PRTFDC1: variants seen among roughly 807,000 people sequenced by gnomAD.
PRTFDC1 encodes phosphoribosyl transferase domain containing 1, also known as phosphoribosyltransferase domain-containing protein 1.
PRTFDC1 carries 38 observed loss-of-function variants against 34.6 expected under a neutral mutation model. That is an observed-to-expected ratio of 1.10 (90% CI 0.85 to 1.44). PRTFDC1 has a LOEUF of 1.44. Ranked by LOEUF, PRTFDC1 falls within the 40% of genes most tolerant of loss-of-function variation. The pLI is 0.00. For synonymous variants in PRTFDC1, 93 were observed against 98.1 expected (o/e 0.95, Z 0.31); for missense variants, 270 against 283.0 (o/e 0.95, Z 0.33).
chr10:24,904,726 T>G (rs1331867410), intron 3 of PRTFDC1, among the ~76,000 whole-genome samples: 3 of 152,198 alleles, frequency 2.0e-5, no homozygotes, highest in African/African-American at 7.2e-5. Context: ...GAGACCACTC[T>G]TATTTGTTCC....
At chr10:24,867,190 T>A (rs1438747904) in intron 4 of PRTFDC1, among the ~76,000 whole-genome samples, 1 of 152,110 alleles carries the variant, frequency 6.6e-6, no homozygotes, top group Non-Finnish European at 1.5e-5. Context: ...GTGAGCTATT[T>A]CCCCATGTTT....
chr10:24,857,001 CAA>C lies in PRTFDC1; in HGVS notation c.424-8_424-7del. ...CTCCCAGTTCCGACAACATCCTTTG[CAA>C]AAAGGACAGATAAATTCAACAAAAT... On this transcript the variant is annotated splice_region_variant and splice_polypyrimidine_tract_variant and intron_variant, in intron 5 of 8. Transcript: ENST00000320152. 2 of 1,605,880 alleles carry C rather than the reference CAA, an allele frequency of 1.2e-6. No individual in the cohort carries two copies. The highest frequency in any genetic ancestry group is 1.7e-6 in the Non-Finnish European group (2 of 1,172,594).
At chr10:24,863,115 G>T (rs1847709991) in intron 4 of PRTFDC1, among the ~76,000 whole-genome samples, 1 of 152,144 alleles carries the variant, frequency 6.6e-6, no homozygotes, top group Admixed American at 6.5e-5. Flanking sequence ...CTGACCTCAG[G>T]TGATCCGCTG....
chr10:24,894,667 G>A (rs183771877), intron 3 of PRTFDC1, among the ~76,000 whole-genome samples: 2 of 152,308 alleles, frequency 1.3e-5, no homozygotes, highest in Admixed American at 1.3e-4. Flanking sequence ...CCATTTTTGA[G>A]GTTTTATGGA....
At chr10:24,908,586 T>C in intron 3 of PRTFDC1, 5 of 1,612,792 alleles carry the variant, frequency 3.1e-6, no homozygotes, top group Admixed American at 1.7e-5. Flanking sequence ...CAGAGGGTAT[T>C]TGGAGATTCT....
chr10:24,925,991 G>T (rs933080076), intron 3 of PRTFDC1, among the ~76,000 whole-genome samples: 1 of 152,144 alleles, frequency 6.6e-6, no homozygotes, highest in Admixed American at 6.6e-5. Flanking sequence ...CTTGTCCTGT[G>T]CCCACGTCTC....
chr10:24,926,223 T>C (rs1361400675), intron 3 of PRTFDC1, among the ~76,000 whole-genome samples: 1 of 152,186 alleles, frequency 6.6e-6, no homozygotes, highest in African/African-American at 2.4e-5. Flanking sequence ...ATAAGGATCT[T>C]GCAAGGGCTT....
chr10:24,919,372 A>C (rs1848745396), intron 3 of PRTFDC1, among the ~76,000 whole-genome samples: 1 of 152,234 alleles, frequency 6.6e-6, no homozygotes, highest in Non-Finnish European at 1.5e-5. Context: ...GACAAAAACA[A>C]GCAATAGGGA....
Position 24,856,381 on chromosome 10 carries a change from G to T in PRTFDC1, c.506+532C>A, listed in dbSNP as rs182245448. 2.8e-3 allele frequency among the ~76,000 whole-genome samples: 422 copies of T among 152,154 alleles called. 3 individuals are homozygous for T. Among genetic ancestry groups the T allele is most frequent in the African/African-American group, 9.8e-3 (407 of 41,520 alleles). On this transcript the variant is annotated intron_variant, in intron 6 of 8. Transcript: ENST00000320152. ...GCAGGCAGATCACTTGAGGTCAGGA[G>T]TTCCAGACCAGCCTGGCCAACATGG...
In PRTFDC1 at chr10:24,849,666, G is replaced by A. The variant is rs971855672; in HGVS notation, c.*178C>T. The A allele has an allele frequency of 3.5e-6, 2 of 564,210 alleles. No individual in the cohort carries two copies. The highest frequency in any genetic ancestry group is 3.8e-5 in the African/African-American group (2 of 53,072). The allele number at this position is 564,210 out of a possible 1,614,324, so 35.0% of individuals were successfully genotyped here. A position where few individuals can be genotyped will look rare whatever the true frequency, so the allele number is the denominator to read the frequency against. ...TAAAAGCACTGCTTTCTTTTCCTTA[G>A]GAACCTTTGATACTCTTTATATTAA... On this transcript the variant is annotated 3_prime_UTR_variant, in exon 9 of 9. Transcript: ENST00000320152.
chr10:24,918,253 C>A (rs1848727112), intron 3 of PRTFDC1, among the ~76,000 whole-genome samples: 1 of 152,094 alleles, frequency 6.6e-6, no homozygotes, highest in Non-Finnish European at 1.5e-5. Flanking sequence ...TATCTCCATG[C>A]CATTACATTC....
intron 3 of PRTFDC1, among the ~76,000 whole-genome samples, chr10:24,876,654 A>T (rs1588585025): frequency 6.6e-6 from 1 of 152,062 alleles, no homozygotes; most frequent in African/African-American, 2.4e-5. Context: ...AGGTCATGTC[A>T]CTGTACTCCA....
chr10:24,937,485 C>T (rs964196236), intron 2 of PRTFDC1, 118 bp from the exon 3 acceptor site: 1 of 927,328 alleles, frequency 1.1e-6, no homozygotes, highest in African/African-American at 1.7e-5. Context: ...TGGGGAAAAC[C>T]TTGGGAAACA....
chr10:24,897,840 A>G (rs1251632083), intron 3 of PRTFDC1, among the ~76,000 whole-genome samples: 1 of 152,254 alleles, frequency 6.6e-6, no homozygotes. Context: ...ATAAGGTCTC[A>G]AAAGCTTTCA....
At chr10:24,850,848 T>C (rs1035593735) in intron 8 of PRTFDC1, among the ~76,000 whole-genome samples, 1 of 152,138 alleles carries the variant, frequency 6.6e-6, no homozygotes, top group African/African-American at 2.4e-5. Context: ...TGGTTTAAAT[T>C]TCTAATTCCC....
chr10:24,951,560 G>A (rs1849345376), intron 1 of PRTFDC1: 5 of 985,148 alleles, frequency 5.1e-6, no homozygotes, highest in Non-Finnish European at 6.0e-6. Context: ...CTTTAGTTCA[G>A]GCCATTCATA....
At chr10:24,925,961 T>G (rs1422239357) in intron 3 of PRTFDC1, among the ~76,000 whole-genome samples, 1 of 152,240 alleles carries the variant, frequency 6.6e-6, no homozygotes, top group Non-Finnish European at 1.5e-5. Context: ...CAGTATCCAC[T>G]GTGTGCTCTG....
At chr10:24,895,958 C>G (rs1848355607) in intron 3 of PRTFDC1, among the ~76,000 whole-genome samples, 1 of 152,130 alleles carries the variant, frequency 6.6e-6, no homozygotes, top group South Asian at 2.1e-4. Context: ...TCCCCCCCTT[C>G]TTTCTTTCAC....
intron 4 of PRTFDC1, among the ~76,000 whole-genome samples, chr10:24,867,294 C>G (rs117533075): frequency 3.1e-4 from 47 of 152,268 alleles, no homozygotes; most frequent in Admixed American, 8.5e-4. Context: ...TTTGATACCA[C>G]GATTCCTTCT....
Sources: gnomAD v4.1 joint callset for allele counts (sites outside exome capture counted in the v4.1 genomes callset) on GRCh38, gnomAD v4.1.1 for gene constraint, MANE v1.5 for transcripts, NCBI Gene and HGNC (gene_info 2026-07-23, HGNC 2026-07-21) for gene names.